Variants in MTREX observed in about 807,000 individuals in gnomAD.
MTREX encodes the protein Mtr4 exosome RNA helicase.
A neutral mutation model predicts 135.4 loss-of-function variants in MTREX; 76 were observed. The ratio of observed to expected loss-of-function variants is 0.56; its 90% CI spans 0.47 to 0.68. The LOEUF is 0.68. Among genes scored for constraint, MTREX ranks in the 30% least tolerant of loss-of-function variants. MTREX has a pLI of 0.00. For missense variants in MTREX, 920 were observed against 1,262.1 expected (o/e 0.73, Z 4.11); for synonymous variants, 404 against 401.6 (o/e 1.01, Z -0.07).
At chr5:55,371,698 G>GT (rs1750206283) in intron 16 of MTREX, among the ~76,000 whole-genome samples, 1 of 151,922 alleles carries the variant, frequency 6.6e-6, no homozygotes, top group African/African-American at 2.4e-5. Flanking sequence ...TTATGTATTT[G>GT]TTTTCTAATT....
At chr5:55,414,341 G>T in intron 24 of MTREX, 103 bp downstream of exon 24, 1 of 917,896 alleles carries the variant, frequency 1.1e-6, no homozygotes. Context: ...TCATTTCACA[G>T]AGATAACCTA....
At chr5:55,331,165 T>C (rs563279480) in intron 5 of MTREX, among the ~76,000 whole-genome samples, 3 of 152,320 alleles carry the variant, frequency 2.0e-5, no homozygotes, top group Admixed American at 6.5e-5. Context: ...TGTCTCATTT[T>C]TGGATCTGAT....
Position 55,344,631 on chromosome 5 carries a change from A to G in MTREX, c.1005+11A>G. 6.7e-7 allele frequency: 1 copy of G among 1,497,114 alleles called. No individual in the cohort carries two copies. Among genetic ancestry groups the G allele is most frequent in the Non-Finnish European group, 9.2e-7 (1 of 1,082,052 alleles). 92.7% of individuals were successfully genotyped at this position (1,497,114 alleles called of 1,614,324 possible). The stretch of plus-strand genomic sequence containing the variant: ...GTGGTTGATGAAAATGTAAGAGAGT[A>G]ATTGTCCTTTTTAAATCTATAATGT... On this transcript the variant is annotated intron_variant, in intron 9 of 26. Coordinates refer to ENST00000230640, the MANE Select transcript of MTREX (RefSeq NM_015360.5).
At chr5:55,350,636 T>A (rs2112069142) in intron 12 of MTREX, among the ~76,000 whole-genome samples, 1 of 152,322 alleles carries the variant, frequency 6.6e-6, no homozygotes, top group South Asian at 2.1e-4. Flanking sequence ...CCCTATAATG[T>A]GTAATTGTTT....
At chr5:55,379,225 A>G in intron 18 of MTREX, 30 bp downstream of exon 18, 2 of 1,301,300 alleles carry the variant, frequency 1.5e-6, no homozygotes, top group Admixed American at 1.7e-5. Flanking sequence ...TTAGAATTGT[A>G]TATCAATTTT....
rs770355228 is a variant in MTREX, at chr5:55,324,210, CAGCA to C, written c.339+13_339+16del. 354 of 1,591,976 alleles carry C rather than the reference CAGCA, an allele frequency of 2.2e-4. No individual in the cohort carries two copies. The highest frequency in any genetic ancestry group is 2.9e-4 in the Non-Finnish European group (339 of 1,163,426). On this transcript the variant is annotated intron_variant, in intron 3 of 26. Transcript: ENST00000230640. ...GGTGTACACATGAGGTAAGCACAAA[CAGCA>C]TACAGAAGGTTAGTGTTACAAATGG...
chr5:55,319,787 A>G (rs1270140886), intron 1 of MTREX, among the ~76,000 whole-genome samples: 1 of 152,220 alleles, frequency 6.6e-6, no homozygotes, highest in Admixed American at 6.5e-5. Context: ...GACATGCAAT[A>G]TTAAAGAATA....
At chr5:55,416,169 AAGAAATACAGT>A (rs1750962955) in intron 25 of MTREX, 37 bp downstream of exon 25, 2 of 1,335,896 alleles carry the variant, frequency 1.5e-6, no homozygotes, top group African/African-American at 3.0e-5. Flanking sequence ...TTTACAGTAT[AAGAAATACAGT>A]TAGGATGGTA....
chr5:55,351,004 T>C lies in MTREX; in HGVS notation c.1406T>C (p.Ile469Thr), dbSNP rs531058233. Residue 469 changes from isoleucine to threonine, a missense_variant, in exon 13 of 27, where the codon ATT becomes ACT. Transcript: ENST00000230640. ...LLPILKETIE[I>T]LFSEGLIKAL... is the part of the protein sequence containing the mutation. ...CCTATTTTGAAAGAAACTATAGAAA[T>C]TCTCTTTTCTGAAGGATTGATAAAG... 6.2e-7 allele frequency: 1 copy of C among 1,605,520 alleles called. No individual in the cohort carries two copies. Among genetic ancestry groups the C allele is most frequent in the East Asian group, 2.2e-5 (1 of 44,522 alleles).
Position 55,349,656 on chromosome 5 carries a change from A to C in MTREX, c.1320+4A>C. On this transcript the variant is annotated splice_donor_region_variant and intron_variant, in intron 12 of 26. Coordinates refer to ENST00000230640, the MANE Select transcript of MTREX (RefSeq NM_015360.5). ...TGAAGATAAAAAACTCCCTCAGGTG[A>C]GTTTTCAGTATCAGTAGATAAAAGT... 6.7e-7 allele frequency: 1 copy of C among 1,483,074 alleles called. No homozygotes were observed. Among genetic ancestry groups the C allele is most frequent in the South Asian group, 1.1e-5 (1 of 87,788 alleles). 91.9% of individuals were successfully genotyped at this position (1,483,074 alleles called of 1,614,324 possible).
At chr5:55,378,663 G>A (rs987858625) in intron 17 of MTREX, among the ~76,000 whole-genome samples, 177 bp downstream of exon 17, 4 of 151,954 alleles carry the variant, frequency 2.6e-5, no homozygotes, top group Admixed American at 2.6e-4. Context: ...CTTATGCAAA[G>A]GCCTTTTAAT....
chr5:55,369,741 A>C (rs973837130), intron 16 of MTREX, among the ~76,000 whole-genome samples: 1 of 152,166 alleles, frequency 6.6e-6, no homozygotes, highest in African/African-American at 2.4e-5. Context: ...AGTCATTTAA[A>C]ATATAACCGA....
chr5:55,372,064 A>G (rs900505005), intron 16 of MTREX, among the ~76,000 whole-genome samples: 3 of 152,112 alleles, frequency 2.0e-5, no homozygotes, highest in African/African-American at 7.2e-5. Context: ...TGCTGCCTTT[A>G]GTGCTCCCCT....
rs183605287 is a variant in MTREX at position 55,421,905 on chromosome 5, C to G, written c.2972-973C>G. 2.9e-3 allele frequency among the ~76,000 whole-genome samples: 443 copies of G among 152,208 alleles called. 3 individuals carry two copies. The highest frequency in any genetic ancestry group is 2.2e-3 in the Non-Finnish European group (147 of 68,016). On this transcript the variant is annotated intron_variant, in intron 25 of 26. Coordinates refer to ENST00000230640, the MANE Select transcript of MTREX (RefSeq NM_015360.5). ...GTAATATGACATTACCCTCTCTATC[C>G]CAATTCCTACCCTCTCTCTTGACAC... is the stretch of plus-strand genomic sequence containing the variant.
intron 15 of MTREX, among the ~76,000 whole-genome samples, chr5:55,364,558 G>T (rs943431625): frequency 1.3e-5 from 2 of 152,170 alleles, no homozygotes; most frequent in African/African-American, 4.8e-5. Flanking sequence ...ATGTCACAGC[G>T]AAAGCATGTT....
chr5:55,404,270 G>A (rs906735551), intron 21 of MTREX, among the ~76,000 whole-genome samples: 4 of 151,918 alleles, frequency 2.6e-5, no homozygotes, highest in Admixed American at 2.6e-4. Context: ...TTTTGTTCTT[G>A]TACTACTGTA....
intron 18 of MTREX, among the ~76,000 whole-genome samples, chr5:55,385,104 A>G (rs10078338): frequency 0.14 from 21,348 of 152,142 alleles, 1,894 homozygotes; most frequent in East Asian, 0.26. Flanking sequence ...GTTTTAAGGC[A>G]TATTTCTTCA....
chr5:55,366,464 G>A (rs993798590), intron 15 of MTREX, among the ~76,000 whole-genome samples: 12 of 152,146 alleles, frequency 7.9e-5, no homozygotes, highest in African/African-American at 2.7e-4. Context: ...ACCACAAAGA[G>A]CAATCCTGTC....
intron 13 of MTREX, among the ~76,000 whole-genome samples, chr5:55,351,391 T>A (rs1749825725): frequency 1.3e-5 from 2 of 151,912 alleles, no homozygotes. Flanking sequence ...AATTAGCCAG[T>A]CGTGGTGGCA....
Sources: allele counts gnomAD v4.1 joint callset (sites outside exome capture counted in the v4.1 genomes callset), GRCh38; gene constraint gnomAD v4.1.1; transcripts MANE v1.5; gene names NCBI Gene and HGNC (gene_info 2026-07-23, HGNC 2026-07-21).